The following EYS variants were observed in gnomAD, a reference collection of about 807,000 sequenced individuals.
EYS encodes protein eyes shut homolog.
Under a neutral mutation model 282.1 loss-of-function variants are expected in EYS, and 250 were observed. That is an observed-to-expected ratio of 0.89 (90% CI 0.80 to 0.98). The LOEUF (loss-of-function observed/expected upper bound fraction) is 0.98. Among genes scored for constraint, EYS ranks in the 50% least tolerant of loss-of-function variants. The probability of loss-of-function intolerance (pLI) is 0.00; values close to 1 mark genes in which losing one functional copy is unlikely to be tolerated. For missense variants in EYS, 4,016 were observed against 3,709.0 expected, an observed-to-expected ratio of 1.08 and a Z score of -2.15; for synonymous variants, 1,355 against 1,282.9, an observed-to-expected ratio of 1.06 and a Z score of -1.20.
At chr6:64,114,689 G>A (rs62415305) in intron 31 of EYS, among the ~76,000 whole-genome samples, 1 of 152,178 alleles carries the variant, frequency 6.6e-6, no homozygotes, top group Non-Finnish European at 1.5e-5. Flanking sequence ...TAGTCACAGG[G>A]CTGTCAACAG....
intron 12 of EYS, among the ~76,000 whole-genome samples, chr6:65,142,805 T>A (rs1007847855): frequency 5.3e-5 from 8 of 151,998 alleles, no homozygotes; most frequent in Non-Finnish European, 7.4e-5. Flanking sequence ...CATCTAAAAC[T>A]ATGGAGGCTA....
In EYS at chr6:65,399,386, C is replaced by A. The variant is rs141422903; in HGVS notation, c.1184+3092G>T. On this transcript the variant is annotated intron_variant, in intron 7 of 42. Transcript: ENST00000503581. ...CATTTCAATCAGTAAGATCCAAAAT[C>A]ATTATTATAAACAAATTATATAATG... is the stretch of plus-strand genomic sequence containing the variant. Among the ~76,000 whole-genome samples the A allele has an allele frequency of 4.1e-3, 622 of 151,946 alleles. 5 individuals are homozygous for A. Among genetic ancestry groups the A allele is most frequent in the African/African-American group, 0.014 (589 of 41,486 alleles).
At chr6:64,363,938 TC>T (rs1190107152) in intron 29 of EYS, among the ~76,000 whole-genome samples, 8 of 152,052 alleles carry the variant, frequency 5.3e-5, no homozygotes, top group South Asian at 4.1e-4. Flanking sequence ...ATACATTCTT[TC>T]CTCTCCATAA....
chr6:64,227,624 G>T (rs1362584366), intron 31 of EYS, among the ~76,000 whole-genome samples: 2 of 151,988 alleles, frequency 1.3e-5, no homozygotes, highest in East Asian at 3.9e-4. Context: ...TACTTCAGCA[G>T]GGTTATTCTG....
At chr6:64,786,835 A>T (rs1452313528) in intron 22 of EYS, among the ~76,000 whole-genome samples, 1 of 152,082 alleles carries the variant, frequency 6.6e-6, no homozygotes, top group East Asian at 1.9e-4. Flanking sequence ...CCTTCTTTGG[A>T]GCTACTCTAG....
intron 33 of EYS, among the ~76,000 whole-genome samples, chr6:64,008,041 C>G (rs796379791): frequency 1.6e-4 from 24 of 152,182 alleles, no homozygotes; most frequent in African/African-American, 5.5e-4. Flanking sequence ...TGTCAGTTTT[C>G]TGCTTCAGTG....
intron 2 of EYS, among the ~76,000 whole-genome samples, chr6:65,583,074 T>A (rs1764922323): frequency 6.6e-6 from 1 of 152,046 alleles, no homozygotes; most frequent in Non-Finnish European, 1.5e-5. Context: ...AAATTTAATT[T>A]AAGTTACATA....
At chr6:64,070,098 C>G (rs1447890092) in intron 32 of EYS, among the ~76,000 whole-genome samples, 1 of 152,022 alleles carries the variant, frequency 6.6e-6, no homozygotes, top group African/African-American at 2.4e-5. Context: ...AGAGGAGGAA[C>G]ATTTTCATAA....
intron 30 of EYS, among the ~76,000 whole-genome samples, chr6:64,283,358 T>C (rs1768378382): frequency 6.6e-6 from 1 of 152,194 alleles, no homozygotes; most frequent in South Asian, 2.1e-4. Flanking sequence ...TTAGACTATA[T>C]AATTATTAAT....
intron 12 of EYS, among the ~76,000 whole-genome samples, chr6:65,105,858 A>G (rs1185325307): frequency 6.6e-6 from 1 of 151,792 alleles, no homozygotes; most frequent in Non-Finnish European, 1.5e-5. Context: ...ATATCTTTGG[A>G]GAGATTAATT....
chr6:65,301,695 G>A (rs1401513925), intron 11 of EYS, among the ~76,000 whole-genome samples: 4 of 152,228 alleles, frequency 2.6e-5, no homozygotes, highest in East Asian at 1.9e-4. Context: ...CCCACCCCTG[G>A]CCCTCAGCGT....
intron 4 of EYS, among the ~76,000 whole-genome samples, chr6:65,493,914 T>C (rs531677839): frequency 3.3e-5 from 5 of 152,312 alleles, no homozygotes; most frequent in Non-Finnish European, 5.9e-5. Context: ...GCCAAGCAGC[T>C]TCAATCACTT....
At chr6:64,273,443 T>C (rs945515181) in intron 30 of EYS, among the ~76,000 whole-genome samples, 1 of 152,186 alleles carries the variant, frequency 6.6e-6, no homozygotes, top group African/African-American at 2.4e-5. Context: ...CCACCTTTTT[T>C]TCTAAAATTC....
chr6:64,652,506 G>A (rs1204018606), intron 22 of EYS, among the ~76,000 whole-genome samples: 1 of 151,742 alleles, frequency 6.6e-6, no homozygotes, highest in Admixed American at 6.6e-5. Context: ...CATCCATTGA[G>A]CTTGGAAGGA....
At chr6:65,467,403 T>C (rs1765041263) in intron 5 of EYS, among the ~76,000 whole-genome samples, 1 of 151,850 alleles carries the variant, frequency 6.6e-6, no homozygotes, top group African/African-American at 2.4e-5. Context: ...ATGCCCAACA[T>C]TCAATGCCAT....
intron 8 of EYS, among the ~76,000 whole-genome samples, chr6:65,370,555 T>C (rs891351834): frequency 6.6e-6 from 1 of 151,810 alleles, no homozygotes; most frequent in Non-Finnish European, 1.5e-5. Context: ...CGCTTCTTTC[T>C]TTGACCGACT....
rs575472662 is a variant in EYS at position 64,317,237 on chromosome 6, C to T, written c.6079-10155G>A. Among the ~76,000 whole-genome samples, 25 of 150,756 alleles carry T rather than the reference C, an allele frequency of 1.7e-4. No homozygotes were observed. The East Asian group carries it at 3.7e-3, about 22-fold the overall frequency. ...GACATCTAATTAAAGAGCTTCTGCA[C>T]AGAAAAAGAAACTATCATCAGAATG... is the stretch of plus-strand genomic sequence containing the variant. On this transcript the variant is annotated intron_variant, in intron 29 of 42. Coordinates refer to ENST00000503581, the MANE Select transcript of EYS (RefSeq NM_001142800.2).
At position 64,518,632 on chromosome 6, in the gene EYS, C is replaced by T. The variant is rs1056521688; in HGVS notation, c.5644+71591G>A. 2.2e-4 allele frequency among the ~76,000 whole-genome samples: 33 copies of T among 151,640 alleles called. 1 individual carries two copies. Among genetic ancestry groups the T allele is most frequent in the Admixed American group, 2.1e-3 (32 of 15,176 alleles). On this transcript the variant is annotated intron_variant, in intron 26 of 42. Transcript: ENST00000503581. ...GAATGATATGGTTTGGCTGCGTCCCCACCGAAATCTCATCTTGAATTGTAG... is the reference window on the plus strand; with the variant it reads ...GAATGATATGGTTTGGCTGCGTCCCTACCGAAATCTCATCTTGAATTGTAG...
chr6:65,693,015 A>G (rs1769299159), intron 1 of EYS, among the ~76,000 whole-genome samples: 1 of 150,044 alleles, frequency 6.7e-6, no homozygotes, highest in South Asian at 2.1e-4. Context: ...ATAAATAAAT[A>G]CCATACACTT....
Sources: allele counts gnomAD v4.1 joint callset (sites outside exome capture counted in the v4.1 genomes callset), GRCh38; gene constraint gnomAD v4.1.1; transcripts MANE v1.5; gene names NCBI Gene and HGNC (gene_info 2026-07-23, HGNC 2026-07-21).